Variants in PDE4D observed in about 807,000 individuals in gnomAD.
PDE4D encodes 3',5'-cyclic-AMP phosphodiesterase 4D.
In PDE4D, 24 loss-of-function variants were observed where a neutral mutation model predicts 87.4. The ratio of observed to expected loss-of-function variants is 0.27; its 90% CI spans 0.20 to 0.39. The LOEUF is 0.39. Among genes scored for constraint, PDE4D ranks in the 10% least tolerant of loss-of-function variants. The probability of loss-of-function intolerance (pLI) is 1.00; values close to 1 mark genes in which losing one functional copy is unlikely to be tolerated. For synonymous variants in PDE4D, 384 were observed against 383.2 expected (o/e 1.00, Z -0.02); for missense variants, 714 against 1,041.0 (o/e 0.69, Z 4.32).
chr5:59,038,760 A>T, intron 6 of PDE4D, 99 bp downstream of exon 6: 1 of 1,208,118 alleles, frequency 8.3e-7, no homozygotes. Flanking sequence ...AAGCCTAAAA[A>T]ACCTCTCAAT....
intron 1 of PDE4D, among the ~76,000 whole-genome samples, chr5:59,569,466 A>G (rs964121548): frequency 1.3e-5 from 2 of 152,214 alleles, no homozygotes; most frequent in African/African-American, 4.8e-5. Flanking sequence ...TACACCAAAC[A>G]AAAAAGAGAA....
At chr5:59,927,388 C>A (rs531242279) in intron 3 of PDE4D, among the ~76,000 whole-genome samples, 1 of 152,290 alleles carries the variant, frequency 6.6e-6, no homozygotes, top group East Asian at 1.9e-4. Context: ...ATCCTGCATT[C>A]TTGTACTAGA....
At chr5:59,838,754 T>A (rs1364604348) in intron 1 of PDE4D, among the ~76,000 whole-genome samples, 1 of 152,050 alleles carries the variant, frequency 6.6e-6, no homozygotes. Flanking sequence ...TACAGGGCAA[T>A]TTTCATGGAT....
intron 1 of PDE4D, among the ~76,000 whole-genome samples, chr5:60,376,941 GT>G (rs1761477076): frequency 6.6e-6 from 1 of 152,168 alleles, no homozygotes; most frequent in Non-Finnish European, 1.5e-5. Context: ...CACAACTTGT[GT>G]TTTCCTTTAT....
chr5:60,015,513 G>C (rs1765421146), intron 2 of PDE4D, among the ~76,000 whole-genome samples: 1 of 152,178 alleles, frequency 6.6e-6, no homozygotes, highest in Non-Finnish European at 1.5e-5. Context: ...AGAAGCCCAA[G>C]CTTCTTTGGG....
chr5:60,253,930 A>C (rs1259713336), intron 1 of PDE4D, among the ~76,000 whole-genome samples: 1 of 151,922 alleles, frequency 6.6e-6, no homozygotes, highest in African/African-American at 2.4e-5. Flanking sequence ...TGGTGTGATA[A>C]ATTGCTAACT....
chr5:59,205,653 AACACACACACACACACACACAC>A (rs35509503), intron 2 of PDE4D, among the ~76,000 whole-genome samples: 3 of 136,326 alleles, frequency 2.2e-5, no homozygotes, highest in East Asian at 4.3e-4. Context: ...CCACTAGCTA[AACACACACACACACACACACAC>A]ACACACACAC....
chr5:59,381,893 A>G (rs1433571017), intron 1 of PDE4D, among the ~76,000 whole-genome samples: 3 of 152,138 alleles, frequency 2.0e-5, no homozygotes, highest in African/African-American at 7.2e-5. Context: ...CTGGCCAGAA[A>G]TTTTGCACAA....
chr5:59,134,329 A>G (rs1161048201), intron 5 of PDE4D, among the ~76,000 whole-genome samples: 8 of 151,668 alleles, frequency 5.3e-5, no homozygotes, highest in Non-Finnish European at 1.2e-4. Context: ...TTACCACCTT[A>G]TTAACAAAGA....
At chr5:60,060,358 A>G (rs1771259241) in intron 2 of PDE4D, among the ~76,000 whole-genome samples, 2 of 151,980 alleles carry the variant, frequency 1.3e-5, no homozygotes, top group South Asian at 4.1e-4. Flanking sequence ...TTTGGTTATA[A>G]AGACACCTTT....
chr5:59,469,938 G>A (rs905766873), intron 1 of PDE4D, among the ~76,000 whole-genome samples: 6 of 152,112 alleles, frequency 3.9e-5, no homozygotes, highest in South Asian at 4.2e-4. Flanking sequence ...AAGGCATTGT[G>A]CTTCTTGCTT....
chr5:60,036,240 A>G (rs1450247329), intron 2 of PDE4D, among the ~76,000 whole-genome samples: 2 of 152,242 alleles, frequency 1.3e-5, no homozygotes, highest in African/African-American at 2.4e-5. Flanking sequence ...CACATAGCTT[A>G]AAATATCTCA....
intron 6 of PDE4D, among the ~76,000 whole-genome samples, chr5:59,011,911 C>G (rs1233940450): frequency 6.6e-6 from 1 of 152,150 alleles, no homozygotes; most frequent in African/African-American, 2.4e-5. Flanking sequence ...AGAGAAAGGT[C>G]GGGTTACCCA....
chr5:60,247,804 G>C (rs1747968876), intron 1 of PDE4D, among the ~76,000 whole-genome samples: 1 of 151,908 alleles, frequency 6.6e-6, no homozygotes, highest in African/African-American at 2.4e-5. Context: ...ACTGCTTACT[G>C]TCAACAAGTT....
At chr5:60,087,994 A>G (rs1774716158) in intron 2 of PDE4D, among the ~76,000 whole-genome samples, 1 of 152,148 alleles carries the variant, frequency 6.6e-6, no homozygotes, top group African/African-American at 2.4e-5. Flanking sequence ...AGAATACTTT[A>G]AGCAGCAAGA....
At chr5:60,392,325 G>A (rs1762609113) in intron 1 of PDE4D, among the ~76,000 whole-genome samples, 1 of 152,178 alleles carries the variant, frequency 6.6e-6, no homozygotes, top group Admixed American at 6.5e-5. Context: ...ATGATTTACT[G>A]ATGACAATAT....
At chr5:59,098,928 C>T (rs767324219) in intron 5 of PDE4D, among the ~76,000 whole-genome samples, 22 of 151,948 alleles carry the variant, frequency 1.4e-4, no homozygotes, top group Non-Finnish European at 7.4e-5. Context: ...ACTACACAAA[C>T]GGGAGGAGGA....
intron 1 of PDE4D, among the ~76,000 whole-genome samples, chr5:59,840,931 A>G (rs1180580077): frequency 1.3e-5 from 2 of 152,104 alleles, no homozygotes; most frequent in African/African-American, 2.4e-5. Context: ...ACTTATTCTA[A>G]TTCTTCACTC....
At chr5:59,259,438 G>T (rs1354825848) in intron 1 of PDE4D, among the ~76,000 whole-genome samples, 3 of 151,848 alleles carry the variant, frequency 2.0e-5, no homozygotes, top group African/African-American at 7.2e-5. Context: ...TAACAAAATA[G>T]AAATACTTTG....
Sources: allele counts gnomAD v4.1 joint callset (sites outside exome capture counted in the v4.1 genomes callset), GRCh38; gene constraint gnomAD v4.1.1; transcripts MANE v1.5; gene names NCBI Gene and HGNC (gene_info 2026-07-23, HGNC 2026-07-21).